Variants in PAXBP1 observed in about 807,000 individuals in gnomAD.
PAXBP1 encodes PAX3 and PAX7 binding protein 1.
In PAXBP1, 44 loss-of-function variants were observed where a neutral mutation model predicts 119.9. The ratio of observed to expected loss-of-function variants is 0.37; its 90% CI spans 0.29 to 0.47. PAXBP1 has a LOEUF of 0.47. Ranked by LOEUF, PAXBP1 falls within the 20% of genes least tolerant of loss-of-function variation. PAXBP1 has a pLI of 0.99. For missense variants in PAXBP1, 898 were observed against 1,134.1 expected, an observed-to-expected ratio of 0.79 and a Z score of 2.99; for synonymous variants, 393 against 406.6, an observed-to-expected ratio of 0.97 and a Z score of 0.40.
rs2044352997 is a variant in PAXBP1 at position 32,771,522 on chromosome 21, C to CCTGTCGCCGCCA, written c.135_146dup (p.Asp48_Arg49insSerGlyGlyAsp). 7.5e-7 allele frequency: 1 copy of CCTGTCGCCGCCA among 1,340,822 alleles called. No individual in the cohort carries two copies. The highest frequency in any genetic ancestry group is 4.1e-5 in the Admixed American group (1 of 24,568). 83.1% of individuals were successfully genotyped at this position (1,340,822 alleles called of 1,614,324 possible). ...CCAGCAGCGACTCCCCGCCAGGGGC[C>CCTGTCGCCGCCA]CTGTCGCCGCCACCGGGGCCCGCCT... On this transcript the variant is annotated inframe_insertion, in exon 1 of 18. Transcript: ENST00000331923.
intron 17 of PAXBP1, among the ~76,000 whole-genome samples, chr21:32,736,918 T>A (rs982195374): frequency 6.6e-6 from 1 of 152,148 alleles, no homozygotes; most frequent in Non-Finnish European, 1.5e-5. Context: ...AATTGGGAGA[T>A]AAACTTGAAT....
chr21:32,756,432 A>G (rs1437276862), intron 7 of PAXBP1: 1 of 492,690 alleles, frequency 2.0e-6, no homozygotes, highest in African/African-American at 2.1e-5. Context: ...AAGCAATTTT[A>G]TATACTTGCA....
chr21:32,765,084 C>T (rs955412630), intron 2 of PAXBP1, among the ~76,000 whole-genome samples: 1 of 152,176 alleles, frequency 6.6e-6, no homozygotes. Flanking sequence ...GTCACATTTA[C>T]ACTGTGCAAG....
Position 32,771,724 on chromosome 21 carries a change from G to T in PAXBP1, c.-56C>A. 3 of 1,321,170 alleles carry T rather than the reference G, an allele frequency of 2.3e-6. No individual in the cohort carries two copies. Among genetic ancestry groups the T allele is most frequent in the Non-Finnish European group, 2.9e-6 (3 of 1,030,838 alleles). 81.8% of individuals were successfully genotyped at this position (1,321,170 alleles called of 1,614,324 possible). ...GCTTCCACACCGCGGCCCCGGCAGC[G>T]CCGAGCTCGTGACGGCGCACGCGCG... is the stretch of plus-strand genomic sequence containing the variant. On this transcript the variant is annotated 5_prime_UTR_variant, in exon 1 of 18. Coordinates refer to ENST00000331923, the MANE Select transcript of PAXBP1 (RefSeq NM_016631.4).
At chr21:32,761,922 C>T (rs1014866588) in intron 4 of PAXBP1, among the ~76,000 whole-genome samples, 174 bp downstream of exon 4, 3 of 152,106 alleles carry the variant, frequency 2.0e-5, no homozygotes, top group African/African-American at 7.2e-5. Context: ...CCTGTAGTCC[C>T]AGCTACTCGA....
intron 15 of PAXBP1, chr21:32,741,609 G>T: frequency 1.3e-6 from 1 of 751,808 alleles, no homozygotes; most frequent in African/African-American, 1.7e-5. Context: ...TCTCTGGAAT[G>T]GGGGTTTTAT....
At chr21:32,763,594 G>A (rs1310711442) in intron 3 of PAXBP1, among the ~76,000 whole-genome samples, 1 of 152,130 alleles carries the variant, frequency 6.6e-6, no homozygotes, top group Non-Finnish European at 1.5e-5. Context: ...ATTTAAATCT[G>A]GCTACTAAGC....
intron 7 of PAXBP1, 86 bp downstream of exon 7, chr21:32,758,994 G>T: frequency 7.5e-7 from 1 of 1,327,196 alleles, no homozygotes; most frequent in Non-Finnish European, 1.0e-6. Context: ...GGTACTTTCT[G>T]AGAATTATAG....
At chr21:32,768,830 C>G (rs1282527108) in intron 2 of PAXBP1, among the ~76,000 whole-genome samples, 1 of 152,246 alleles carries the variant, frequency 6.6e-6, no homozygotes, top group Non-Finnish European at 1.5e-5. Flanking sequence ...CACAAATCAT[C>G]TACTCTGACC....
In PAXBP1 at chr21:32,769,863, T is replaced by A; in HGVS notation, c.423A>T (p.Glu141Asp). Residue 141 changes from glutamate to aspartate, a missense_variant, in exon 2 of 18, where the codon GAA becomes GAT. Physicochemically the swap from Glu to Asp is conservative, Grantham distance 45 (BLOSUM62 2). Around this residue, in one of 2 missense-constraint regions of PAXBP1, gnomAD observed 299 missense variants for 281.4 expected, o/e 1.06. Transcript: ENST00000331923. ...IVKLLKKEYK[E>D]DLEKSKIKTE... ...TCTTAATCTTCGATTTTTCAAGATCTTCTTTATATTCCTTCTTGAGCAATT... is the reference window on the plus strand; with the variant it reads ...TCTTAATCTTCGATTTTTCAAGATCATCTTTATATTCCTTCTTGAGCAATT... 6.2e-7 allele frequency: 1 copy of A among 1,600,624 alleles called. No individual in the cohort carries two copies. The highest frequency in any genetic ancestry group is 8.5e-7 in the Non-Finnish European group (1 of 1,174,972).
At chr21:32,760,098 G>A in intron 5 of PAXBP1, 104 bp from the exon 6 acceptor site, 1 of 833,252 alleles carries the variant, frequency 1.2e-6, no homozygotes, top group Non-Finnish European at 1.9e-6. Context: ...ATACCTATTT[G>A]CCAAATATTA....
At chr21:32,736,476 C>A (rs1424581499) in intron 17 of PAXBP1, among the ~76,000 whole-genome samples, 1 of 152,126 alleles carries the variant, frequency 6.6e-6, no homozygotes, top group African/African-American at 2.4e-5. Context: ...CATGAGCCAC[C>A]ATGCCTGGCC....
At chr21:32,762,494 A>T (rs2044166131) in intron 3 of PAXBP1, among the ~76,000 whole-genome samples, 177 bp from the exon 4 acceptor site, 1 of 152,246 alleles carries the variant, frequency 6.6e-6, no homozygotes, top group Non-Finnish European at 1.5e-5. Flanking sequence ...TTTAAATGGA[A>T]TATAAAAGTC....
chr21:32,766,346 T>A (rs1000350212), intron 2 of PAXBP1, among the ~76,000 whole-genome samples: 2 of 152,212 alleles, frequency 1.3e-5, no homozygotes, highest in Non-Finnish European at 2.9e-5. Context: ...AGTGGTCACA[T>A]GTTACCCTTC....
chr21:32,743,624 T>G, intron 14 of PAXBP1, 54 bp downstream of exon 14: 1 of 1,330,806 alleles, frequency 7.5e-7, no homozygotes, highest in Non-Finnish European at 1.1e-6. Flanking sequence ...TTTATAAGCC[T>G]TCTCTGAAAC....
At chr21:32,762,695 G>C (rs1036743002) in intron 3 of PAXBP1, among the ~76,000 whole-genome samples, 1 of 151,844 alleles carries the variant, frequency 6.6e-6, no homozygotes, top group East Asian at 1.9e-4. Context: ...GAGGCAGGTG[G>C]ATCACCTGAG....
chr21:32,760,902 C>CGTGCGTGCGTGTGTGT (rs1491165069), intron 5 of PAXBP1, among the ~76,000 whole-genome samples, 157 bp downstream of exon 5: 76 of 127,786 alleles, frequency 5.9e-4, no homozygotes, highest in African/African-American at 1.7e-3. Flanking sequence ...TGCGTGCGTG[C>CGTGCGTGCGTGTGTGT]GTGTGTGTGT....
chr21:32,737,571 A>G (rs774096522), intron 16 of PAXBP1, 163 bp from the exon 17 acceptor site: 3 of 563,594 alleles, frequency 5.3e-6, no homozygotes, highest in Non-Finnish European at 8.5e-6. Flanking sequence ...GACTTCCTAC[A>G]TTAACTAAAC....
At chr21:32,759,714 T>G in intron 6 of PAXBP1, 63 bp downstream of exon 6, 1 of 1,366,644 alleles carries the variant, frequency 7.3e-7, no homozygotes, top group South Asian at 1.2e-5. Context: ...TACCCCAGAC[T>G]ACATGTTGCC....
Sources: allele counts gnomAD v4.1 joint callset (sites outside exome capture counted in the v4.1 genomes callset), GRCh38; gene constraint gnomAD v4.1.1; regional missense constraint gnomAD v4.1.1; transcripts MANE v1.5; gene names NCBI Gene and HGNC (gene_info 2026-07-23, HGNC 2026-07-21).